Variants in PKP2 observed in about 807,000 individuals in gnomAD.
PKP2 encodes the protein plakophilin 2.
In PKP2, 73 loss-of-function variants were observed where a neutral mutation model predicts 83.4. The ratio of observed to expected loss-of-function variants is 0.88; its 90% CI spans 0.72 to 1.06. PKP2 has a LOEUF of 1.06. Among genes scored for constraint, PKP2 ranks in the 50% least tolerant of loss-of-function variants. The pLI, the probability that PKP2 is intolerant of heterozygous loss-of-function variation, is 0.00. For missense variants in PKP2, 966 were observed against 1,065.4 expected, an observed-to-expected ratio of 0.91 and a Z score of 1.30; for synonymous variants, 409 against 430.4, an observed-to-expected ratio of 0.95 and a Z score of 0.62.
At chr12:32,829,684 G>A (rs1439835850) in intron 6 of PKP2, among the ~76,000 whole-genome samples, 2 of 141,720 alleles carry the variant, frequency 1.4e-5, no homozygotes, top group East Asian at 2.2e-4. Flanking sequence ...TTTTTGAGAT[G>A]GAGTCTCACT....
intron 10 of PKP2, 25 bp from the exon 11 acceptor site, chr12:32,796,323 A>C (rs763507523): frequency 1.9e-6 from 3 of 1,553,070 alleles, no homozygotes; most frequent in East Asian, 4.5e-5. Context: ...AAAAAACAAA[A>C]CACTTGATTA....
intron 1 of PKP2, among the ~76,000 whole-genome samples, chr12:32,883,773 C>T (rs991057595): frequency 6.6e-5 from 10 of 152,284 alleles, no homozygotes; most frequent in African/African-American, 2.4e-4. Flanking sequence ...TCCCGTAATT[C>T]CAGCTACTAA....
intron 5 of PKP2, among the ~76,000 whole-genome samples, chr12:32,847,548 G>A (rs1331979726): frequency 1.3e-5 from 2 of 151,976 alleles, no homozygotes; most frequent in East Asian, 1.9e-4. Flanking sequence ...ACACACGCAC[G>A]CAAGCACACA....
In PKP2 at chr12:32,793,613, C is replaced by CTTTTTTTTTTTTTTTTTTTTTT. The variant is rs35990527; in HGVS notation, c.2358-904_2358-883dup. The stretch of plus-strand genomic sequence containing the variant: ...ACTGTACTTAGTCTTTCATATTCTG[C>CTTTTTTTTTTTTTTTTTTTTTT]TTTTTTTTTTTTTTTTTTTTTTTTG... On this transcript the variant is annotated intron_variant, in intron 11 of 12. Transcript: ENST00000340811. 3.9e-5 allele frequency among the ~76,000 whole-genome samples: 3 copies of CTTTTTTTTTTTTTTTTTTTTTT among 76,718 alleles called. 1 individual carries two copies. The highest frequency in any genetic ancestry group is 1.7e-4 in the African/African-American group (3 of 17,380). The allele number at this position is 76,718 out of a possible 152,430, so 50.3% of individuals were successfully genotyped here. A position where few individuals can be genotyped will look rare whatever the true frequency, so the allele number is the denominator to read the frequency against.
intron 5 of PKP2, among the ~76,000 whole-genome samples, chr12:32,845,895 G>A (rs1295712695): frequency 2.0e-5 from 3 of 151,874 alleles, no homozygotes; most frequent in Non-Finnish European, 4.4e-5. Context: ...TTATTGAAAC[G>A]GCCACGTATT....
At chr12:32,861,169 A>G (rs538892183) in intron 4 of PKP2, among the ~76,000 whole-genome samples, 84 of 152,324 alleles carry the variant, frequency 5.5e-4, no homozygotes, top group African/African-American at 1.9e-3. Context: ...CACAATGCCT[A>G]GGAGCCAATA....
At position 32,871,999 on chromosome 12, in the gene PKP2, C is replaced by G. The variant is rs575457689; in HGVS notation, c.1035-2937G>C. 9.2e-5 allele frequency among the ~76,000 whole-genome samples: 14 copies of G among 152,258 alleles called. No individual in the cohort carries two copies. The South Asian group carries it at 2.7e-3, about 29-fold the overall frequency. The stretch of plus-strand genomic sequence containing the variant: ...CTCCCTCCTTCTCTCTCTCCCCACT[C>G]ACTTATAAAACATTTCTTGAAGGCT... On this transcript the variant is annotated intron_variant, in intron 3 of 12. Transcript: ENST00000340811.
chr12:32,834,418 T>C (rs1196223169), intron 6 of PKP2, among the ~76,000 whole-genome samples: 1 of 152,216 alleles, frequency 6.6e-6, no homozygotes, highest in Non-Finnish European at 1.5e-5. Flanking sequence ...TAGCTGGTTC[T>C]ACAATTGCGG....
intron 5 of PKP2, among the ~76,000 whole-genome samples, 156 bp downstream of exon 5, chr12:32,850,610 T>G (rs1382564191): frequency 1.3e-5 from 2 of 151,722 alleles, no homozygotes; most frequent in East Asian, 3.9e-4. Flanking sequence ...ATCTGGAGTC[T>G]AAGCCAGCAG....
At chr12:32,836,313 T>G (rs1221373306) in intron 6 of PKP2, among the ~76,000 whole-genome samples, 2 of 152,214 alleles carry the variant, frequency 1.3e-5, no homozygotes, top group Non-Finnish European at 2.9e-5. Flanking sequence ...TAAAGACAAA[T>G]GATCCGATAC....
chr12:32,896,232 T>C lies in PKP2; in HGVS notation c.223+277A>G, dbSNP rs139320588. Among the ~76,000 whole-genome samples, 593 of 151,456 alleles carry C rather than the reference T, an allele frequency of 3.9e-3. 2 individuals carry two copies. Among genetic ancestry groups the C allele is most frequent in the East Asian group, 0.032 (166 of 5,124 alleles). On this transcript the variant is annotated intron_variant, in intron 1 of 12. Coordinates refer to ENST00000340811, the MANE Select transcript of PKP2 (RefSeq NM_001005242.3). ...CAGTGAGGGGCGCGGACCGGCGGAG[T>C]AGAAAAAGAAAGGGGTGAAATCTTG...
intron 5 of PKP2, 97 bp downstream of exon 5, chr12:32,850,669 A>T: frequency 1.1e-6 from 1 of 895,508 alleles, no homozygotes; most frequent in Non-Finnish European, 1.8e-6. Flanking sequence ...TGAGCCCATC[A>T]ATCATTTGCT....
intron 4 of PKP2, among the ~76,000 whole-genome samples, chr12:32,866,877 G>A (rs768921746): frequency 3.2e-4 from 48 of 152,064 alleles, no homozygotes; most frequent in Admixed American, 1.8e-3. Flanking sequence ...AAATGTTCAC[G>A]GTAGCTTTAT....
At chr12:32,844,386 T>C (rs1471718404) in intron 5 of PKP2, among the ~76,000 whole-genome samples, 2 of 152,180 alleles carry the variant, frequency 1.3e-5, no homozygotes, top group Non-Finnish European at 2.9e-5. Flanking sequence ...AGAATTTTTA[T>C]AAATCACTAA....
intron 4 of PKP2, among the ~76,000 whole-genome samples, chr12:32,856,753 T>TAA (rs77784644): frequency 7.2e-6 from 1 of 139,454 alleles, no homozygotes. Context: ...AAAGTATAAT[T>TAA]AAAAAAAAAA....
intron 9 of PKP2, among the ~76,000 whole-genome samples, chr12:32,808,194 C>T (rs1956243854): frequency 6.6e-6 from 1 of 152,128 alleles, no homozygotes; most frequent in Admixed American, 6.5e-5. Flanking sequence ...TTACATAATC[C>T]CACATTTCTT....
intron 4 of PKP2, among the ~76,000 whole-genome samples, chr12:32,852,923 A>C (rs796797596): frequency 2.0e-5 from 3 of 152,280 alleles, no homozygotes; most frequent in African/African-American, 7.2e-5. Flanking sequence ...TTCTACTAAA[A>C]ATACAAAAAA....
At chr12:32,795,601 G>A (rs546402721) in intron 11 of PKP2, among the ~76,000 whole-genome samples, 157 of 152,102 alleles carry the variant, frequency 1.0e-3, no homozygotes, top group Admixed American at 4.1e-3. Flanking sequence ...GGCTGGTCTC[G>A]AACTTCTGAC....
intron 9 of PKP2, chr12:32,820,373 T>C (rs1263082016): frequency 6.6e-6 from 1 of 152,186 alleles, no homozygotes; most frequent in Non-Finnish European, 1.5e-5. Flanking sequence ...GTTTAAATCA[T>C]TAAATACTTA....
Sources: allele counts gnomAD v4.1 joint callset (sites outside exome capture counted in the v4.1 genomes callset), GRCh38; gene constraint gnomAD v4.1.1; transcripts MANE v1.5; gene names NCBI Gene and HGNC (gene_info 2026-07-23, HGNC 2026-07-21).